Variants in SOX6 observed in about 807,000 individuals in gnomAD.
SOX6 encodes the protein SRY-box transcription factor 6, also known as transcription factor SOX-6.
In SOX6, 11 loss-of-function variants were observed where a neutral mutation model predicts 97.8. That is an observed-to-expected ratio of 0.11 (90% CI 0.07 to 0.19). SOX6 has a LOEUF of 0.19. Among genes scored for constraint, SOX6 ranks in the 10% least tolerant of loss-of-function variants. SOX6 has a pLI of 1.00. For missense variants in SOX6, 810 were observed against 1,039.5 expected, an observed-to-expected ratio of 0.78 and a Z score of 3.04; for synonymous variants, 360 against 371.4, an observed-to-expected ratio of 0.97 and a Z score of 0.35.
intron 7 of SOX6, among the ~76,000 whole-genome samples, chr11:16,107,917 A>G (rs1849136508): frequency 6.6e-6 from 1 of 152,128 alleles, no homozygotes; most frequent in South Asian, 2.1e-4. Context: ...CGCATTTCCA[A>G]TGGATAAGGA....
At chr11:16,479,204 A>C (rs540739590), upstream of SOX6, among the ~76,000 whole-genome samples, 6 of 152,356 alleles carry the variant, frequency 3.9e-5, no homozygotes, top group Admixed American at 6.5e-5. Context: ...GTACTAAATA[A>C]AAAATGCATT....
Position 16,318,657 on chromosome 11 carries a change from GA to G in SOX6, c.238-5del, listed in dbSNP as rs781093326. The G allele has an allele frequency of 6.2e-7, 1 of 1,609,254 alleles. No individual in the cohort carries two copies. The highest frequency in any genetic ancestry group is 8.5e-7 in the Non-Finnish European group (1 of 1,176,350). On this transcript the variant is annotated splice_region_variant and splice_polypyrimidine_tract_variant and intron_variant, in intron 2 of 15. Transcript: ENST00000683767. ...ATAACTTATTATTCTCTGATTCCTA[GA>G]AAAATAAAATAAAATAAAACCATTA...
At chr11:16,596,598 G>T (rs1310143388) in intron 4 of SOX6, among the ~76,000 whole-genome samples, 3 of 152,110 alleles carry the variant, frequency 2.0e-5, no homozygotes, top group Non-Finnish European at 4.4e-5. Flanking sequence ...CCTGACATAG[G>T]TACTTCTGCT....
chr11:15,990,074 C>G (rs1318036853), intron 13 of SOX6, among the ~76,000 whole-genome samples: 1 of 151,992 alleles, frequency 6.6e-6, no homozygotes, highest in Non-Finnish European at 1.5e-5. Flanking sequence ...ACAGCACTTG[C>G]AGTGATGCTC....
intron 15 of SOX6, among the ~76,000 whole-genome samples, chr11:15,984,342 G>T (rs930509403): frequency 6.6e-6 from 1 of 152,100 alleles, no homozygotes; most frequent in Non-Finnish European, 1.5e-5. Context: ...TATTAAAACA[G>T]CACCTTTAGT....
chr11:16,001,767 G>T (rs1854414265), intron 13 of SOX6, among the ~76,000 whole-genome samples: 1 of 152,102 alleles, frequency 6.6e-6, no homozygotes, highest in South Asian at 2.1e-4. Flanking sequence ...ATTATAGCTG[G>T]GATGAAAACA....
intron 9 of SOX6, among the ~76,000 whole-genome samples, chr11:16,091,381 C>T (rs945527973): frequency 6.6e-6 from 1 of 151,980 alleles, no homozygotes. Flanking sequence ...CAAGACTGCC[C>T]AGCAAAGCTA....
At chr11:16,132,721 C>A (rs1297484089) in intron 6 of SOX6, among the ~76,000 whole-genome samples, 1 of 145,868 alleles carries the variant, frequency 6.9e-6, no homozygotes, top group Admixed American at 6.8e-5. Context: ...GTTCCATTTA[C>A]ACTAACTTGT....
intron 9 of SOX6, among the ~76,000 whole-genome samples, chr11:16,066,155 T>A (rs796911386): frequency 5.9e-5 from 9 of 152,284 alleles, no homozygotes; most frequent in African/African-American, 2.2e-4. Flanking sequence ...AACAGGCATA[T>A]GAAAAGTTGC....
At chr11:16,220,206 G>A (rs1333220393) in intron 4 of SOX6, among the ~76,000 whole-genome samples, 1 of 151,898 alleles carries the variant, frequency 6.6e-6, no homozygotes, top group African/African-American at 2.4e-5. Flanking sequence ...AATATTACAT[G>A]TGAATAACCC....
chr11:16,071,510 T>C (rs1441085494), intron 9 of SOX6, among the ~76,000 whole-genome samples: 1 of 151,124 alleles, frequency 6.6e-6, no homozygotes, highest in Non-Finnish European at 1.5e-5. Context: ...TCTGCCTGGA[T>C]TTGCAAGGGG....
At chr11:16,065,046 G>T (rs1469251978) in intron 9 of SOX6, among the ~76,000 whole-genome samples, 6 of 151,872 alleles carry the variant, frequency 4.0e-5, no homozygotes, top group African/African-American at 1.2e-4. Flanking sequence ...AAAACAAAGG[G>T]TATCCAAATT....
chr11:16,422,444 G>A (rs1436034889), intron 1 of SOX6, among the ~76,000 whole-genome samples: 1 of 152,200 alleles, frequency 6.6e-6, no homozygotes, highest in Non-Finnish European at 1.5e-5. Flanking sequence ...CACCATGTCA[G>A]GTACTACTGA....
chr11:16,661,491 G>GC (rs1847765189), intron 3 of SOX6, among the ~76,000 whole-genome samples: 1 of 152,082 alleles, frequency 6.6e-6, no homozygotes, highest in Non-Finnish European at 1.5e-5. Context: ...TCTATGTGCT[G>GC]CACCTGTTTT....
At chr11:16,059,046 C>A (rs952252841) in intron 9 of SOX6, among the ~76,000 whole-genome samples, 16 of 152,028 alleles carry the variant, frequency 1.1e-4, no homozygotes, top group African/African-American at 3.9e-4. Context: ...GGGCTTGATT[C>A]TTTTTGGCTT....
At chr11:16,715,851 A>G (rs542953969) in intron 2 of SOX6, among the ~76,000 whole-genome samples, 15 of 152,338 alleles carry the variant, frequency 9.8e-5, no homozygotes, top group Non-Finnish European at 1.9e-4. Flanking sequence ...AGAAAAAAAA[A>G]TCAACTGCTT....
intron 6 of SOX6, among the ~76,000 whole-genome samples, chr11:16,140,521 A>G (rs1850103737): frequency 6.6e-6 from 1 of 152,204 alleles, no homozygotes; most frequent in Non-Finnish European, 1.5e-5. Context: ...TCAAATGGTG[A>G]TAAAATCCAT....
intron 4 of SOX6, among the ~76,000 whole-genome samples, chr11:16,500,046 A>G (rs182790663): frequency 2.0e-4 from 30 of 152,354 alleles, no homozygotes; most frequent in African/African-American, 5.8e-4. Context: ...ATGAACATCA[A>G]TGCAAAAATC....
At chr11:16,560,167 T>C (rs1459532886) in intron 4 of SOX6, among the ~76,000 whole-genome samples, 2 of 152,140 alleles carry the variant, frequency 1.3e-5, no homozygotes, top group Non-Finnish European at 2.9e-5. Context: ...TCCTAAGTGT[T>C]ATGGTGGATG....
Sources: gnomAD v4.1 joint callset for allele counts (sites outside exome capture counted in the v4.1 genomes callset) on GRCh38, gnomAD v4.1.1 for gene constraint, MANE v1.5 for transcripts, NCBI Gene and HGNC (gene_info 2026-07-23, HGNC 2026-07-21) for gene names.